The following PTPRR variants were observed in gnomAD, a reference collection of about 807,000 sequenced individuals.
The protein encoded by PTPRR is receptor-type tyrosine-protein phosphatase R.
In PTPRR, 38 loss-of-function variants were observed where a neutral mutation model predicts 77.2. The observed-to-expected ratio is 0.49, with a 90% CI of 0.38 to 0.65. The LOEUF (loss-of-function observed/expected upper bound fraction) is 0.65, where lower values mean the gene tolerates loss of function less well. Among genes scored for constraint, PTPRR ranks in the 30% least tolerant of loss-of-function variants. The pLI, the probability that PTPRR is intolerant of heterozygous loss-of-function variation, is 0.00. For synonymous variants in PTPRR, 299 were observed against 283.1 expected, an observed-to-expected ratio of 1.06 and a Z score of -0.57; for missense variants, 744 against 799.2, an observed-to-expected ratio of 0.93 and a Z score of 0.83.
intron 6 of PTPRR, among the ~76,000 whole-genome samples, chr12:70,737,597 G>T (rs1252016136): frequency 1.3e-5 from 2 of 152,024 alleles, no homozygotes; most frequent in East Asian, 3.9e-4. Context: ...ACAGCTCACT[G>T]CAACCTTGAG....
chr12:70,842,587 C>T (rs1049706594), intron 2 of PTPRR, among the ~76,000 whole-genome samples: 1 of 152,138 alleles, frequency 6.6e-6, no homozygotes, highest in Non-Finnish European at 1.5e-5. Context: ...GACTTGTGAC[C>T]ATTTCACTCT....
intron 1 of PTPRR, among the ~76,000 whole-genome samples, chr12:70,920,114 ATAAAG>A (rs1360459868): frequency 2.6e-5 from 4 of 152,276 alleles, no homozygotes; most frequent in South Asian, 2.1e-4. Context: ...CTATTTTCGT[ATAAAG>A]TAAAGAAAAA....
chr12:70,729,163 A>T (rs1889563113), intron 6 of PTPRR, among the ~76,000 whole-genome samples: 1 of 152,224 alleles, frequency 6.6e-6, no homozygotes, highest in Admixed American at 6.5e-5. Flanking sequence ...AAATATATTC[A>T]AATACACCAT....
At chr12:70,665,678 G>A (rs1033373214) in intron 10 of PTPRR, among the ~76,000 whole-genome samples, 5 of 151,564 alleles carry the variant, frequency 3.3e-5, no homozygotes, top group South Asian at 2.1e-4. Flanking sequence ...CACTGCGCCC[G>A]GCCGCCAGCT....
At chr12:70,878,476 T>C (rs1178397903) in intron 2 of PTPRR, among the ~76,000 whole-genome samples, 3 of 152,182 alleles carry the variant, frequency 2.0e-5, no homozygotes, top group Admixed American at 2.0e-4. Flanking sequence ...AAGACATTTA[T>C]GCAGCGAAAA....
intron 6 of PTPRR, among the ~76,000 whole-genome samples, chr12:70,735,421 G>T (rs965642039): frequency 2.6e-5 from 4 of 152,160 alleles, no homozygotes; most frequent in Non-Finnish European, 5.9e-5. Flanking sequence ...CAAGGGACCT[G>T]CCCTTTATAA....
At chr12:70,831,855 T>C (rs973237276) in intron 2 of PTPRR, among the ~76,000 whole-genome samples, 1 of 152,188 alleles carries the variant, frequency 6.6e-6, no homozygotes, top group Non-Finnish European at 1.5e-5. Context: ...TCTGCCAACA[T>C]AGAGCTTGCC....
In PTPRR at chr12:70,661,142, C is replaced by T. The variant is rs754204362; in HGVS notation, c.1609-45G>A. Reference sequence around the variant, plus strand: ...CCAAATGCCTCATTCACTTGTAGAACTAAAAGTCATCCAAACCACAATACT... The same window carrying T: ...CCAAATGCCTCATTCACTTGTAGAATTAAAAGTCATCCAAACCACAATACT... On this transcript the variant is annotated intron_variant, in intron 11 of 13. Coordinates refer to ENST00000283228, the MANE Select transcript of PTPRR (RefSeq NM_002849.4). 6 of 1,573,178 alleles carry T rather than the reference C, an allele frequency of 3.8e-6. No individual in the cohort carries two copies. The African/African-American group carries it at 5.4e-5, about 14-fold the overall frequency.
chr12:70,699,186 G>A (rs1888335415), intron 7 of PTPRR, among the ~76,000 whole-genome samples: 1 of 152,102 alleles, frequency 6.6e-6, no homozygotes, highest in Non-Finnish European at 1.5e-5. Context: ...ACTTTGATAA[G>A]ATTAACATGA....
At chr12:70,785,764 GAGAC>G (rs1891307406) in intron 2 of PTPRR, among the ~76,000 whole-genome samples, 1 of 152,162 alleles carries the variant, frequency 6.6e-6, no homozygotes, top group South Asian at 2.1e-4. Flanking sequence ...AAGTTCCTCA[GAGAC>G]AGGAGAAAAA....
At position 70,698,481 on chromosome 12, in the gene PTPRR, T is replaced by A. The variant is rs1044781277; in HGVS notation, c.1195-132A>T. On this transcript the variant is annotated intron_variant, in intron 7 of 13. Coordinates refer to ENST00000283228, the MANE Select transcript of PTPRR (RefSeq NM_002849.4). ...AAAACAACAGATCTAGCACCTCTGG[T>A]GGACCAACACCCTTCCTTTCCTAAA... The A allele has an allele frequency of 6.1e-6, 4 of 655,916 alleles. No homozygotes were observed. In the East Asian group the frequency reaches 1.1e-4, roughly 18 times the overall value. 40.6% of individuals were successfully genotyped at this position (655,916 alleles called of 1,614,324 possible).
intron 2 of PTPRR, among the ~76,000 whole-genome samples, chr12:70,856,508 A>G (rs1892654089): frequency 6.6e-6 from 1 of 152,144 alleles, no homozygotes; most frequent in Non-Finnish European, 1.5e-5. Flanking sequence ...CAGGGGTAAG[A>G]TGTTGAAGGC....
intron 2 of PTPRR, among the ~76,000 whole-genome samples, chr12:70,872,470 C>A (rs1023416154): frequency 4.4e-4 from 67 of 151,086 alleles, no homozygotes; most frequent in Admixed American, 1.4e-3. Flanking sequence ...CCGAGGCAGG[C>A]GGATCATGAG....
chr12:70,670,629 G>C (rs1242245741), intron 10 of PTPRR, among the ~76,000 whole-genome samples: 1 of 152,190 alleles, frequency 6.6e-6, no homozygotes, highest in Non-Finnish European at 1.5e-5. Flanking sequence ...TTTCTGAAAG[G>C]GGAGAGAAAT....
chr12:70,810,222 C>T (rs145183565), intron 2 of PTPRR, among the ~76,000 whole-genome samples: 170 of 152,236 alleles, frequency 1.1e-3, no homozygotes, highest in African/African-American at 3.9e-3. Flanking sequence ...CCCAAAAAAA[C>T]CTCAGCTAAA....
In PTPRR at chr12:70,656,835, G is replaced by GAAAAT. The variant is rs1566047191; in HGVS notation, c.1767-19_1767-18insATTTT. On this transcript the variant is annotated intron_variant, in intron 12 of 13. Coordinates refer to ENST00000283228, the MANE Select transcript of PTPRR (RefSeq NM_002849.4). ...TTCCTGCACTGAAAAGAAAAGAAAA[G>GAAAAT]AAATTTAAAAAGTGGGGGAAAATGA... The GAAAAT allele has an allele frequency of 1.2e-5, 18 of 1,529,406 alleles. No individual in the cohort carries two copies. Among genetic ancestry groups the GAAAAT allele is most frequent in the Non-Finnish European group, 1.5e-5 (17 of 1,110,878 alleles). 94.7% of individuals were successfully genotyped at this position (1,529,406 alleles called of 1,614,324 possible).
intron 13 of PTPRR, among the ~76,000 whole-genome samples, chr12:70,645,599 T>C (rs1372111013): frequency 6.6e-6 from 1 of 152,186 alleles, no homozygotes; most frequent in Non-Finnish European, 1.5e-5. Flanking sequence ...ATTCCCTTTA[T>C]TGCAAAAGTG....
chr12:70,855,742 G>A (rs968691913), intron 2 of PTPRR, among the ~76,000 whole-genome samples: 1 of 152,276 alleles, frequency 6.6e-6, no homozygotes, highest in East Asian at 1.9e-4. Context: ...AGAAACTTTA[G>A]CATACTATGT....
At chr12:70,839,142 C>T (rs570733834) in intron 2 of PTPRR, among the ~76,000 whole-genome samples, 17 of 152,166 alleles carry the variant, frequency 1.1e-4, no homozygotes, top group African/African-American at 3.9e-4. Flanking sequence ...AAGGGTTATT[C>T]CCTAAAACAT....
Sources: gnomAD v4.1 joint callset for allele counts (sites outside exome capture counted in the v4.1 genomes callset) on GRCh38, gnomAD v4.1.1 for gene constraint, MANE v1.5 for transcripts, NCBI Gene and HGNC (gene_info 2026-07-23, HGNC 2026-07-21) for gene names.